TMEM94: variants seen among roughly 807,000 people sequenced by gnomAD.
TMEM94 encodes transmembrane protein 94.
TMEM94 carries 81 observed loss-of-function variants against 158.6 expected under a neutral mutation model. The observed-to-expected ratio is 0.51, with a 90% CI of 0.43 to 0.61. TMEM94 has a LOEUF of 0.61. Ranked by LOEUF, TMEM94 falls within the 20% of genes least tolerant of loss-of-function variation. The pLI, the probability that TMEM94 is intolerant of heterozygous loss-of-function variation, is 0.00. For missense variants in TMEM94, 1,435 were observed against 1,762.0 expected (o/e 0.81, Z 3.32); for synonymous variants, 751 against 730.7 (o/e 1.03, Z -0.45).
intron 26 of TMEM94, 96 bp from the exon 27 acceptor site, chr17:75,497,685 G>A (rs1258890302): frequency 4.2e-6 from 4 of 945,174 alleles, no homozygotes; most frequent in African/African-American, 1.6e-5. Context: ...CACCAGACTC[G>A]ACCTCACGCG....
chr17:75,477,633 G>A (rs183252406), intron 2 of TMEM94, among the ~76,000 whole-genome samples: 3 of 152,268 alleles, frequency 2.0e-5, no homozygotes, highest in Admixed American at 6.5e-5. Flanking sequence ...GAGCTTAGGG[G>A]ACCTTGATTC....
Position 75,492,701 on chromosome 17 carries a change from C to A in TMEM94, c.1824C>A (p.His608Gln). The A allele has an allele frequency of 6.2e-7, 1 of 1,613,310 alleles. No individual in the cohort carries two copies. Among genetic ancestry groups the A allele is most frequent in the Non-Finnish European group, 8.5e-7 (1 of 1,179,996 alleles). ...AGCGCCTGTGCCGATTCTCCGACCA[C>A]CTGTGCAACATCGCCCTGCAAGAGA... ...VTERLCRFSD[H>Q]LCNIALQESH... The change falls in exon 15 of 32, where the codon CAC becomes CAA. Residue 608 changes from histidine to glutamine, a missense_variant. Transcript: ENST00000314256. This position sits in a 1 kb window ranked among gnomAD's most constrained non-coding sequence, Gnocchi z 4.4.
In TMEM94 at chr17:75,498,833, T is replaced by C; in HGVS notation, c.3828-79T>C. On this transcript the variant is annotated intron_variant, in intron 30 of 31. Coordinates refer to ENST00000314256, the MANE Select transcript of TMEM94 (RefSeq NM_014738.6). The surrounding 1 kb of genome is among the most constrained non-coding windows in gnomAD (Gnocchi z 6.7). ...GCCAGTGGTTTAACTGTACCCTGCC[T>C]GAGCTAACTGTTGTACTGGGAAGAG... 5 of 1,520,250 alleles carry C rather than the reference T, an allele frequency of 3.3e-6. No homozygotes were observed. The South Asian group carries it at 6.5e-5, about 20-fold the overall frequency. 94.2% of individuals were successfully genotyped at this position (1,520,250 alleles called of 1,614,324 possible). A position where few individuals can be genotyped will look rare whatever the true frequency, so the allele number is the denominator to read the frequency against.
chr17:75,496,190 C>T (rs751808455), intron 23 of TMEM94, 92 bp from the exon 24 acceptor site: 3 of 1,572,462 alleles, frequency 1.9e-6, no homozygotes, highest in Non-Finnish European at 2.6e-6. Flanking sequence ...CTGGCTGGGA[C>T]CAATGCACCT....
At chr17:75,493,672 C>G in intron 17 of TMEM94, 27 bp from the exon 18 acceptor site, 1 of 1,613,712 alleles carries the variant, frequency 6.2e-7, no homozygotes, top group Middle Eastern at 1.6e-4. Context: ...GGAACACTCA[C>G]CTCACCTCCG....
Position 75,491,890 on chromosome 17 carries a change from A to C in TMEM94, c.1586A>C (p.Glu529Ala), listed in dbSNP as rs2052224926. The change falls in exon 14 of 32, where the codon GAG (glutamate) becomes GCG (alanine). Residue 529 changes from glutamate (E) to alanine (A), a missense_variant. Transcript: ENST00000314256. This position sits in a 1 kb window ranked among gnomAD's most constrained non-coding sequence, Gnocchi z 5.1. ...AGGGACACCGAGGGTGGTGAAGAAG[A>C]GCCCAGCAAGGTGACGGGAGGGGGT... ...FSRDTEGGEE[E>A]PSKTQPGMES... 1 of 1,612,108 alleles carries C rather than the reference A, an allele frequency of 6.2e-7. No homozygotes were observed. The highest frequency in any genetic ancestry group is 8.5e-7 in the Non-Finnish European group (1 of 1,179,330).
rs2050367717 is a variant in TMEM94, at chr17:75,467,934, AT to A, written c.-106-3864del. 3.3e-5 allele frequency among the ~76,000 whole-genome samples: 5 copies of A among 152,168 alleles called. No individual in the cohort carries two copies. The South Asian group carries it at 1.0e-3, about 32-fold the overall frequency. On this transcript the variant is annotated intron_variant, in intron 1 of 31. Coordinates refer to ENST00000314256, the MANE Select transcript of TMEM94 (RefSeq NM_014738.6). ...CTGCTGATAGTAATGGCAGTTGTTTATTGAGTACCTACTATATGTCAAATAT... is the reference window on the plus strand; with the variant it reads ...CTGCTGATAGTAATGGCAGTTGTTTATGAGTACCTACTATATGTCAAATAT...
Position 75,471,897 on chromosome 17 carries a change from T to A in TMEM94, c.-9T>A, listed in dbSNP as rs749812709. 1.9e-6 allele frequency: 3 copies of A among 1,614,008 alleles called. No individual in the cohort carries two copies. Among genetic ancestry groups the A allele is most frequent in the Non-Finnish European group, 2.5e-6 (3 of 1,179,918 alleles). On this transcript the variant is annotated 5_prime_UTR_variant, in exon 2 of 32. Transcript: ENST00000314256. ...ATTCATCTGGGCATGCCTGCAGTAC[T>A]CTTGGCCCATGGACCTGAAGGAGAA...
At chr17:75,494,851 A>G (rs2052533588) in intron 19 of TMEM94, 43 bp downstream of exon 19, 2 of 1,612,294 alleles carry the variant, frequency 1.2e-6, no homozygotes, top group East Asian at 2.2e-5. Flanking sequence ...CTCTGTTTCC[A>G]CGGGCTTTTG....
rs773262086 is a variant in TMEM94, at chr17:75,498,038, A to C, written c.3490-137A>C. ...GGAGGTAGTGGCACAGAGCTGGGAAAGACCCTTGCTGGGGCTTGAGCTCCC... is the reference window on the plus strand; with the variant it reads ...GGAGGTAGTGGCACAGAGCTGGGAACGACCCTTGCTGGGGCTTGAGCTCCC... On this transcript the variant is annotated intron_variant, in intron 27 of 31. Coordinates refer to ENST00000314256, the MANE Select transcript of TMEM94 (RefSeq NM_014738.6). This position sits in a 1 kb window ranked among gnomAD's most constrained non-coding sequence, Gnocchi z 6.7. 71 of 1,265,334 alleles carry C rather than the reference A, an allele frequency of 5.6e-5. No homozygotes were observed. Among genetic ancestry groups the C allele is most frequent in the Non-Finnish European group, 7.5e-5 (68 of 903,890 alleles). 78.4% of individuals were successfully genotyped at this position (1,265,334 alleles called of 1,614,324 possible).
Position 75,487,937 on chromosome 17 carries a change from C to T in TMEM94, c.415C>T (p.Leu139Phe), listed in dbSNP as rs1385629999. 1 of 1,613,336 alleles carries T rather than the reference C, an allele frequency of 6.2e-7. No homozygotes were observed. The highest frequency in any genetic ancestry group is 2.2e-5 in the East Asian group (1 of 44,868). The change falls in exon 6 of 32, where the codon CTC (leucine) becomes TTC (phenylalanine). Residue 139 changes from leucine to phenylalanine, a missense_variant. Leu to Phe is a conservative substitution (Grantham distance 22). Transcript: ENST00000314256. This position sits in a 1 kb window ranked among gnomAD's most constrained non-coding sequence, Gnocchi z 4.6. The part of the protein sequence containing the change: ...RGIIDQIQDA[L>F]RDGREIQWPS... The stretch of plus-strand genomic sequence containing the variant: ...CCTCTTTCCATTCCCCTCAGATGCC[C>T]TCAGGGATGGCAGGGAGATCCAGTG...
intron 25 of TMEM94, 130 bp downstream of exon 25, chr17:75,496,937 G>A (rs2052753982): frequency 9.0e-7 from 1 of 1,107,006 alleles, no homozygotes; most frequent in African/African-American, 1.5e-5. Flanking sequence ...CCTCTGTGAA[G>A]CCCCTGGGCT....
rs937414143 is a variant in TMEM94, at chr17:75,499,648, G to A, written c.*314G>A. ...TCACCTGTGAGCTACCCCCTTTAGG[G>A]ATCCCTTGCCCCCTTGGAGATCCCT... is the stretch of plus-strand genomic sequence containing the variant. On this transcript the variant is annotated 3_prime_UTR_variant, in exon 32 of 32. Transcript: ENST00000314256. 2 of 341,220 alleles carry A rather than the reference G, an allele frequency of 5.9e-6. No homozygotes were observed. The highest frequency in any genetic ancestry group is 1.1e-5 in the Non-Finnish European group (2 of 185,148). The allele number at this position is 341,220 out of a possible 1,614,324, so 21.1% of individuals were successfully genotyped here. A position where few individuals can be genotyped will look rare whatever the true frequency, so the allele number is the denominator to read the frequency against.
intron 5 of TMEM94, among the ~76,000 whole-genome samples, chr17:75,486,884 G>T (rs1240065438): frequency 6.6e-6 from 1 of 152,150 alleles, no homozygotes; most frequent in Non-Finnish European, 1.5e-5. Context: ...GAGTGGCTTG[G>T]ATTTCTGCTT....
rs2051908256 is a variant in TMEM94, at chr17:75,489,182, C to T, written c.765-84C>T. 7.6e-7 allele frequency: 1 copy of T among 1,323,020 alleles called. No homozygotes were observed. The highest frequency in any genetic ancestry group is 1.1e-6 in the Non-Finnish European group (1 of 925,008). 82.0% of individuals were successfully genotyped at this position (1,323,020 alleles called of 1,614,324 possible). A position where few individuals can be genotyped will look rare whatever the true frequency, so the allele number is the denominator to read the frequency against. On this transcript the variant is annotated intron_variant, in intron 7 of 31. Coordinates refer to ENST00000314256, the MANE Select transcript of TMEM94 (RefSeq NM_014738.6). The surrounding 1 kb of genome is among the most constrained non-coding windows in gnomAD (Gnocchi z 5.0). ...CTCACGGTGCTTGAAGAAGCGGTATCTGGCAGAGAGGCCCAGAATCCTCCC... is the reference window on the plus strand; with the variant it reads ...CTCACGGTGCTTGAAGAAGCGGTATTTGGCAGAGAGGCCCAGAATCCTCCC...
Position 75,491,482 on chromosome 17 carries a change from C to T in TMEM94, c.1386+27C>T, listed in dbSNP as rs1483857890. The T allele has an allele frequency of 6.2e-7, 1 of 1,613,690 alleles. No individual in the cohort carries two copies. The highest frequency in any genetic ancestry group is 1.3e-5 in the African/African-American group (1 of 74,928). On this transcript the variant is annotated intron_variant, in intron 13 of 31. Coordinates refer to ENST00000314256, the MANE Select transcript of TMEM94 (RefSeq NM_014738.6). This position sits in a 1 kb window ranked among gnomAD's most constrained non-coding sequence, Gnocchi z 5.1. ...TAGAGGAGGAGGTACGGCCGGCTCC[C>T]ATGGGCCCGACTCTGGGCCAGGCTG...
rs1313034085 is a variant in TMEM94 at position 75,486,061 on chromosome 17, T to A, written c.272+63T>A. On this transcript the variant is annotated intron_variant, in intron 4 of 31. Transcript: ENST00000314256. Reference sequence around the variant, plus strand: ...GTGCTGTCCATCCTGCCGCGGCACCTGGGACAGACCAGGGCTCTTGGGGGC... The same window carrying A: ...GTGCTGTCCATCCTGCCGCGGCACCAGGGACAGACCAGGGCTCTTGGGGGC... 5.9e-6 allele frequency: 9 copies of A among 1,535,570 alleles called. No individual in the cohort carries two copies. The East Asian group carries it at 1.4e-4, about 24-fold the overall frequency.
At chr17:75,477,256 C>T (rs1218793244) in intron 2 of TMEM94, among the ~76,000 whole-genome samples, 1 of 152,190 alleles carries the variant, frequency 6.6e-6, no homozygotes, top group Non-Finnish European at 1.5e-5. Context: ...CAGCTCTGCT[C>T]AAGGCTCTGA....
In TMEM94 at chr17:75,496,451, A is replaced by G. The variant is rs2052690633; in HGVS notation, c.3223A>G (p.Ile1075Val). The G allele has an allele frequency of 6.2e-7, 1 of 1,612,934 alleles. No individual in the cohort carries two copies. Among genetic ancestry groups the G allele is most frequent in the South Asian group, 1.1e-5 (1 of 91,082 alleles). The change falls in exon 24 of 32, where the codon ATC becomes GTC. Residue 1075 changes from isoleucine (I) to valine (V), a missense_variant. Physicochemically the swap from Ile to Val is conservative, Grantham distance 29. This residue lies in a region of TMEM94 where 335 missense variants were observed against 409.1 expected (regional missense o/e 0.82). Coordinates refer to ENST00000314256, the MANE Select transcript of TMEM94 (RefSeq NM_014738.6). ...CTTTCGCCAGGAGGAGACCATCAGC[A>G]TCATCCGGCTTATCGAACAGGTGGG... is the stretch of plus-strand genomic sequence containing the variant. ...LTFRQEETIS[I>V]IRLIEQARHA...
Sources: allele counts gnomAD v4.1 joint callset (sites outside exome capture counted in the v4.1 genomes callset), GRCh38; gene constraint gnomAD v4.1.1; regional missense constraint gnomAD v4.1.1; non-coding constraint Gnocchi (gnomAD v3.1); transcripts MANE v1.5; gene names NCBI Gene and HGNC (gene_info 2026-07-23, HGNC 2026-07-21).